Variants in SH3GL3 observed in about 807,000 individuals in gnomAD.
SH3GL3 encodes SH3 domain containing GRB2 like 3, endophilin A3, also known as endophilin-A3.
In SH3GL3, 33 loss-of-function variants were observed where a neutral mutation model predicts 47.7. The ratio of observed to expected loss-of-function variants is 0.69; its 90% CI spans 0.52 to 0.92. The LOEUF (loss-of-function observed/expected upper bound fraction) is 0.92, where lower values mean the gene tolerates loss of function less well. Ranked by LOEUF, SH3GL3 falls within the 40% of genes least tolerant of loss-of-function variation. SH3GL3 has a pLI of 0.00. For missense variants in SH3GL3, 363 were observed against 417.8 expected (o/e 0.87, Z 1.14); for synonymous variants, 155 against 148.8 (o/e 1.04, Z -0.30).
At chr15:83,582,697 T>C (rs930489257) in intron 6 of SH3GL3, among the ~76,000 whole-genome samples, 2 of 152,308 alleles carry the variant, frequency 1.3e-5, no homozygotes, top group South Asian at 2.1e-4. Context: ...CATTAGGAAG[T>C]ATTGAACTTG....
chr15:83,497,290 C>T (rs1332534132), intron 1 of SH3GL3, among the ~76,000 whole-genome samples: 1 of 152,118 alleles, frequency 6.6e-6, no homozygotes, highest in Non-Finnish European at 1.5e-5. Context: ...CCTTTACTGA[C>T]ACTTACCTTG....
At chr15:83,562,029 C>A (rs12901816) in intron 2 of SH3GL3, among the ~76,000 whole-genome samples, 3 of 105,966 alleles carry the variant, frequency 2.8e-5, no homozygotes, top group African/African-American at 1.0e-4. Context: ...CACACACACA[C>A]AACACACACA....
At chr15:83,515,717 A>G (rs535099052) in intron 1 of SH3GL3, among the ~76,000 whole-genome samples, 2 of 152,372 alleles carry the variant, frequency 1.3e-5, no homozygotes, top group South Asian at 2.1e-4. Context: ...AGACAACTAT[A>G]AACTCCAAAC....
At chr15:83,473,828 T>G (rs933796596) in intron 1 of SH3GL3, among the ~76,000 whole-genome samples, 3 of 150,430 alleles carry the variant, frequency 2.0e-5, no homozygotes, top group Non-Finnish European at 4.4e-5. Context: ...ATTACAGACG[T>G]GAGCCACCGC....
At chr15:83,597,062 C>G (rs2060254041) in intron 8 of SH3GL3, among the ~76,000 whole-genome samples, 8 of 152,168 alleles carry the variant, frequency 5.3e-5, no homozygotes, top group Admixed American at 5.2e-4. Context: ...ACTGTGTGGT[C>G]TAAAATAACA....
chr15:83,546,054 G>A (rs940567514), intron 1 of SH3GL3, among the ~76,000 whole-genome samples: 1 of 152,074 alleles, frequency 6.6e-6, no homozygotes, highest in Non-Finnish European at 1.5e-5. Context: ...GTTTATTCAA[G>A]GGCCAAGGAC....
chr15:83,617,119 A>G (rs193051126), intron 8 of SH3GL3, among the ~76,000 whole-genome samples: 2 of 152,310 alleles, frequency 1.3e-5, no homozygotes, highest in Admixed American at 1.3e-4. Context: ...CACTTTGCAT[A>G]CATGTATTTT....
chr15:83,573,680 C>T (rs967776634), intron 5 of SH3GL3, among the ~76,000 whole-genome samples: 2 of 152,142 alleles, frequency 1.3e-5, no homozygotes, highest in African/African-American at 2.4e-5. Flanking sequence ...CTGCTTGGAC[C>T]GTGGGCCTTG....
At chr15:83,532,925 C>T (rs896792915) in intron 1 of SH3GL3, among the ~76,000 whole-genome samples, 1 of 152,182 alleles carries the variant, frequency 6.6e-6, no homozygotes, top group Non-Finnish European at 1.5e-5. Flanking sequence ...ACTTAGGTCT[C>T]ATTGCCCATA....
At chr15:83,562,030 A>AACACACACACACACACACACACACACAC (rs55856428) in intron 2 of SH3GL3, among the ~76,000 whole-genome samples, 1 of 132,980 alleles carries the variant, frequency 7.5e-6, no homozygotes, top group Non-Finnish European at 1.6e-5. Flanking sequence ...ACACACACAC[A>AACACACACACACACACACACACACACAC]ACACACACAC....
At chr15:83,490,140 A>G (rs1199456524) in intron 1 of SH3GL3, among the ~76,000 whole-genome samples, 1 of 151,528 alleles carries the variant, frequency 6.6e-6, no homozygotes. Context: ...CCTCAGGGGG[A>G]TGGATGAGGT....
At chr15:83,621,288 C>G (rs911192664), downstream of SH3GL3, among the ~76,000 whole-genome samples, 1 of 152,240 alleles carries the variant, frequency 6.6e-6, no homozygotes, top group African/African-American at 2.4e-5. Flanking sequence ...GCCTCCCTCA[C>G]TAAGCTTAAT....
intron 8 of SH3GL3, among the ~76,000 whole-genome samples, chr15:83,610,685 A>C (rs1260907030): frequency 6.6e-6 from 1 of 152,104 alleles, no homozygotes; most frequent in Admixed American, 6.5e-5. Context: ...TTGTGGCTTA[A>C]TTGTGTTAAA....
chr15:83,507,433 T>TGA (rs1214447354), intron 1 of SH3GL3, among the ~76,000 whole-genome samples: 1 of 151,978 alleles, frequency 6.6e-6, no homozygotes, highest in Non-Finnish European at 1.5e-5. Flanking sequence ...ATTTTTTTTT[T>TGA]GAGAGAGAGT....
intron 1 of SH3GL3, among the ~76,000 whole-genome samples, chr15:83,503,533 T>G (rs2042373702): frequency 6.6e-6 from 1 of 152,240 alleles, no homozygotes; most frequent in East Asian, 1.9e-4. Flanking sequence ...TTAAGATGTT[T>G]ATATGCATTA....
At chr15:83,560,974 A>C (rs937814177) in intron 2 of SH3GL3, among the ~76,000 whole-genome samples, 2 of 152,314 alleles carry the variant, frequency 1.3e-5, no homozygotes, top group South Asian at 4.1e-4. Flanking sequence ...ACTACATAAC[A>C]TAGCATCTGA....
At chr15:83,604,972 G>C (rs866379388) in intron 8 of SH3GL3, among the ~76,000 whole-genome samples, 10 of 152,228 alleles carry the variant, frequency 6.6e-5, no homozygotes, top group African/African-American at 1.7e-4. Flanking sequence ...AAATGCATCT[G>C]ACTTGGAAGG....
At chr15:83,513,712 C>A (rs375137549) in intron 1 of SH3GL3, among the ~76,000 whole-genome samples, 5 of 152,246 alleles carry the variant, frequency 3.3e-5, no homozygotes, top group African/African-American at 1.2e-4. Flanking sequence ...TTCTACTTCC[C>A]ACTCTACCCA....
In SH3GL3 at chr15:83,612,492, G is replaced by C. The variant is rs551860849; in HGVS notation, c.839-5590G>C. Among the ~76,000 whole-genome samples, 16 of 152,346 alleles carry C rather than the reference G, an allele frequency of 1.1e-4. 1 individual carries two copies. In the South Asian group the frequency reaches 3.3e-3, roughly 32 times the overall value. On this transcript the variant is annotated intron_variant, in intron 8 of 8. Coordinates refer to ENST00000427482, the MANE Select transcript of SH3GL3 (RefSeq NM_003027.5). ...TCCTGCTGGGGACTTGAGGGAATTTGTTCACAGTTCACAGGGAGCGACCAG... is the reference window on the plus strand; with the variant it reads ...TCCTGCTGGGGACTTGAGGGAATTTCTTCACAGTTCACAGGGAGCGACCAG...
Sources: gnomAD v4.1 joint callset for allele counts (sites outside exome capture counted in the v4.1 genomes callset) on GRCh38, gnomAD v4.1.1 for gene constraint, MANE v1.5 for transcripts, NCBI Gene and HGNC (gene_info 2026-07-23, HGNC 2026-07-21) for gene names.